Variants in NR2C2 observed in about 807,000 individuals in gnomAD.
NR2C2 encodes the protein nuclear receptor subfamily 2 group C member 2.
In NR2C2, 6 loss-of-function variants were observed where a neutral mutation model predicts 62.9. The observed-to-expected ratio is 0.10, with a 90% CI of 0.05 to 0.19. The LOEUF is 0.19. Ranked by LOEUF, NR2C2 falls within the 10% of genes least tolerant of loss-of-function variation. NR2C2 has a pLI of 1.00. For synonymous variants in NR2C2, 272 were observed against 273.8 expected, an observed-to-expected ratio of 0.99 and a Z score of 0.07; for missense variants, 479 against 762.7, an observed-to-expected ratio of 0.63 and a Z score of 4.38.
At chr3:14,973,259 T>C (rs2040102965) in intron 1 of NR2C2, among the ~76,000 whole-genome samples, 1 of 152,246 alleles carries the variant, frequency 6.6e-6, no homozygotes, top group South Asian at 2.1e-4. Flanking sequence ...AGGGTCTTGC[T>C]CTGTCACTCA....
intron 1 of NR2C2, among the ~76,000 whole-genome samples, chr3:14,992,769 C>T (rs1162494276): frequency 6.6e-6 from 1 of 152,082 alleles, no homozygotes; most frequent in African/African-American, 2.4e-5. Flanking sequence ...ATGATTTTAC[C>T]CTCTAAGTAT....
chr3:14,973,434 A>G (rs1292758786), intron 1 of NR2C2, among the ~76,000 whole-genome samples: 2 of 152,084 alleles, frequency 1.3e-5, no homozygotes, highest in African/African-American at 4.8e-5. Context: ...GGGTCTTGCT[A>G]TGCCGCCCAG....
chr3:15,008,842 C>G (rs1020569962), intron 2 of NR2C2, among the ~76,000 whole-genome samples: 2 of 152,190 alleles, frequency 1.3e-5, no homozygotes, highest in Admixed American at 6.5e-5. Context: ...TAGTGACACT[C>G]AAAAACTTTG....
intron 1 of NR2C2, among the ~76,000 whole-genome samples, chr3:14,999,271 G>A (rs140401203): frequency 2.0e-3 from 297 of 151,012 alleles, no homozygotes; most frequent in African/African-American, 6.7e-3. Context: ...AGCCGAGATC[G>A]CACCATTGCA....
intron 1 of NR2C2, among the ~76,000 whole-genome samples, chr3:14,985,540 TTAAG>T (rs1438750697): frequency 6.6e-6 from 1 of 152,176 alleles, no homozygotes; most frequent in East Asian, 1.9e-4. Flanking sequence ...AGAATTTTTG[TTAAG>T]TATTTACATC....
chr3:14,963,632 G>C (rs376989064), intron 1 of NR2C2, among the ~76,000 whole-genome samples: 1 of 151,878 alleles, frequency 6.6e-6, no homozygotes, highest in African/African-American at 2.4e-5. Flanking sequence ...CACCACGCCC[G>C]GCTAATTTTT....
intron 13 of NR2C2, among the ~76,000 whole-genome samples, chr3:15,040,401 C>T (rs1314230569): frequency 6.6e-6 from 1 of 152,166 alleles, no homozygotes; most frequent in African/African-American, 2.4e-5. Context: ...AACATTGGAA[C>T]AAAATTGACA....
At chr3:15,009,738 C>A (rs1198143249) in intron 2 of NR2C2, among the ~76,000 whole-genome samples, 2 of 152,316 alleles carry the variant, frequency 1.3e-5, no homozygotes, top group African/African-American at 4.8e-5. Flanking sequence ...AACTTAGTGG[C>A]TTAAAACAAT....
At chr3:14,953,161 T>C (rs1404723600) in intron 1 of NR2C2, among the ~76,000 whole-genome samples, 3 of 135,124 alleles carry the variant, frequency 2.2e-5, no homozygotes, top group African/African-American at 5.0e-5. Flanking sequence ...ATGATGAAAG[T>C]CAGCCTCAGA....
chr3:15,024,136 A>G lies in NR2C2; in HGVS notation c.726A>G (p.Pro242=). Residue 242 remains proline (P), a synonymous_variant, in exon 7 of 14, where the codon CCA becomes CCG. Coordinates refer to ENST00000425241, the MANE Select transcript of NR2C2 (RefSeq NM_001291694.2). ...ATAGACAAACAGGTCTTCTTGATCC[A>G]GGGATGCTTGTGAACATCCAGCAGC... is the stretch of plus-strand genomic sequence containing the variant. ...DGARQTGLLD[P]GMLVNIQQPL... 1.2e-6 allele frequency: 2 copies of G among 1,612,900 alleles called. No individual in the cohort carries two copies. The highest frequency in any genetic ancestry group is 1.7e-6 in the Non-Finnish European group (2 of 1,179,400).
chr3:14,955,900 A>G (rs896220141), intron 1 of NR2C2, among the ~76,000 whole-genome samples: 12 of 152,186 alleles, frequency 7.9e-5, no homozygotes, highest in Non-Finnish European at 1.3e-4. Flanking sequence ...AATATGTAAG[A>G]ACTTCATTTA....
At chr3:15,040,166 C>CAA (rs71268412) in intron 13 of NR2C2, among the ~76,000 whole-genome samples, 99 of 138,740 alleles carry the variant, frequency 7.1e-4, no homozygotes, top group South Asian at 1.4e-3. Flanking sequence ...TCTCAAAAAA[C>CAA]AAAAAAAAAA....
At chr3:14,982,106 G>A (rs771432948) in intron 1 of NR2C2, among the ~76,000 whole-genome samples, 1 of 152,110 alleles carries the variant, frequency 6.6e-6, no homozygotes, top group East Asian at 1.9e-4. Context: ...TCACACTGTC[G>A]CCCAGGCTAT....
intron 1 of NR2C2, among the ~76,000 whole-genome samples, chr3:14,999,014 CA>C (rs200716290): frequency 3.3e-5 from 5 of 150,286 alleles, no homozygotes; most frequent in Non-Finnish European, 7.4e-5. Context: ...TCTCAAAAAA[CA>C]AAAAAAAAAT....
chr3:15,039,068 G>C, intron 12 of NR2C2, 54 bp from the exon 13 acceptor site: 1 of 1,322,992 alleles, frequency 7.6e-7, no homozygotes, highest in South Asian at 1.2e-5. Flanking sequence ...AAGTCTACAA[G>C]TGAGACTTTT....
intron 1 of NR2C2, among the ~76,000 whole-genome samples, chr3:14,951,936 C>T (rs558904412): frequency 4.3e-4 from 66 of 152,250 alleles, no homozygotes; most frequent in African/African-American, 1.5e-3. Flanking sequence ...TTAGTAGAGA[C>T]GGTGTTTCAC....
chr3:14,992,998 T>C (rs1559551008), intron 1 of NR2C2, among the ~76,000 whole-genome samples: 2 of 152,018 alleles, frequency 1.3e-5, no homozygotes, highest in Middle Eastern at 3.2e-3. Flanking sequence ...GGGTAGAAAA[T>C]AGGATAAGGC....
At chr3:14,962,839 G>A (rs567439904) in intron 1 of NR2C2, among the ~76,000 whole-genome samples, 2 of 152,236 alleles carry the variant, frequency 1.3e-5, no homozygotes, top group African/African-American at 4.8e-5. Flanking sequence ...TTATGGAATA[G>A]TAGAAGACGT....
At chr3:15,040,360 G>A (rs1161853434) in intron 13 of NR2C2, among the ~76,000 whole-genome samples, 1 of 152,146 alleles carries the variant, frequency 6.6e-6, no homozygotes, top group Non-Finnish European at 1.5e-5. Flanking sequence ...AGTATTTCCT[G>A]TTTCCCTCCC....
Sources: allele counts gnomAD v4.1 joint callset (sites outside exome capture counted in the v4.1 genomes callset), GRCh38; gene constraint gnomAD v4.1.1; transcripts MANE v1.5; gene names NCBI Gene and HGNC (gene_info 2026-07-23, HGNC 2026-07-21).